PEX13: variants seen among roughly 807,000 people sequenced by gnomAD.
The protein encoded by PEX13 is peroxisome biogenesis factor 13.
Under a neutral mutation model 34.5 loss-of-function variants are expected in PEX13, and 28 were observed. The observed-to-expected ratio is 0.81, with a 90% CI of 0.60 to 1.11. The LOEUF (loss-of-function observed/expected upper bound fraction) is 1.11, where lower values mean the gene tolerates loss of function less well. Ranked by LOEUF, PEX13 falls within the 50% of genes most tolerant of loss-of-function variation. PEX13 has a pLI of 0.00. For synonymous variants in PEX13, 177 were observed against 175.1 expected (o/e 1.01, Z -0.09); for missense variants, 550 against 491.0 (o/e 1.12, Z -1.13).
chr2:61,023,091 A>G (rs1680290848), intron 1 of PEX13, among the ~76,000 whole-genome samples: 1 of 151,620 alleles, frequency 6.6e-6, no homozygotes, highest in Non-Finnish European at 1.5e-5. Flanking sequence ...TGCAGCTTCT[A>G]CATCCTGGGA....
rs1286354791 is a variant in PEX13, at chr2:61,031,749, C to T, written c.423C>T (p.Ala141=). The T allele has an allele frequency of 1.2e-6, 2 of 1,613,942 alleles. No homozygotes were observed. The highest frequency in any genetic ancestry group is 1.7e-6 in the Non-Finnish European group (2 of 1,179,938). Reference sequence around the variant, plus strand: ...TTGAAAGTATTGTGCATGCATTTGCCTCTGTCAGTATGATGATGGATGCTA... The same window carrying T: ...TTGAAAGTATTGTGCATGCATTTGCTTCTGTCAGTATGATGATGGATGCTA... ...QSIESIVHAF[A]SVSMMMDATF... Residue 141 remains alanine, a synonymous_variant, in exon 2 of 4, where the codon GCC becomes GCT. Transcript: ENST00000295030.
At chr2:61,037,658 A>C (rs572279253) in intron 2 of PEX13, among the ~76,000 whole-genome samples, 55 of 152,364 alleles carry the variant, frequency 3.6e-4, no homozygotes, top group African/African-American at 1.3e-3. Flanking sequence ...CACAAGAAGC[A>C]GGAAAGATCT....
intron 2 of PEX13, among the ~76,000 whole-genome samples, chr2:61,045,036 A>G (rs184125074): frequency 2.6e-5 from 4 of 152,342 alleles, no homozygotes; most frequent in Non-Finnish European, 5.9e-5. Flanking sequence ...TCTGCAATGT[A>G]ATAACATGGT....
intron 2 of PEX13, among the ~76,000 whole-genome samples, chr2:61,040,206 A>G (rs1476873108): frequency 6.6e-6 from 1 of 152,202 alleles, no homozygotes; most frequent in African/African-American, 2.4e-5. Flanking sequence ...AGAACTAGAA[A>G]TACCGTTTGA....
chr2:61,041,829 G>C (rs1342929192), intron 2 of PEX13, among the ~76,000 whole-genome samples: 1 of 152,198 alleles, frequency 6.6e-6, no homozygotes, highest in Non-Finnish European at 1.5e-5. Flanking sequence ...GGAAAGATAG[G>C]AGTTAAATGA....
At chr2:61,036,175 T>C (rs975367442) in intron 2 of PEX13, among the ~76,000 whole-genome samples, 3 of 151,982 alleles carry the variant, frequency 2.0e-5, no homozygotes, top group Non-Finnish European at 2.9e-5. Flanking sequence ...CGGAAAGTGA[T>C]AGGGAGAATG....
chr2:61,017,857 T>C lies in PEX13; in HGVS notation c.92+6T>C, dbSNP rs1291662088. The C allele has an allele frequency of 3.2e-6, 5 of 1,549,818 alleles. No individual in the cohort carries two copies. The highest frequency in any genetic ancestry group is 4.4e-6 in the Non-Finnish European group (5 of 1,146,444). ...GGACCGGGCCCCACTTTCCAGTGAG[T>C]GTGGGATTCTTCAGGCTGTGAGTTT... On this transcript the variant is annotated splice_donor_region_variant and intron_variant, in intron 1 of 3. Transcript: ENST00000295030.
At position 61,050,587 on chromosome 2, in the gene PEX13, G is replaced by C. The variant is rs1199062746; in HGVS notation, c.*1817G>C. The C allele has an allele frequency of 1.3e-5, 2 of 152,178 alleles. No individual in the cohort carries two copies. Among genetic ancestry groups the C allele is most frequent in the Admixed American group, 1.3e-4 (2 of 15,254 alleles). 9.4% of individuals were successfully genotyped at this position (152,178 alleles called of 1,614,324 possible). A position where few individuals can be genotyped will look rare whatever the true frequency, so the allele number is the denominator to read the frequency against. On this transcript the variant is annotated 3_prime_UTR_variant, in exon 4 of 4. Coordinates refer to ENST00000295030, the MANE Select transcript of PEX13 (RefSeq NM_002618.4). ...ATTTATAGATATTGTTGAAAACTTT[G>C]AACTGTTTGATAAAAATTGTGATTT...
chr2:61,033,295 C>G (rs773511571), intron 2 of PEX13, among the ~76,000 whole-genome samples: 5 of 151,688 alleles, frequency 3.3e-5, no homozygotes, highest in South Asian at 2.1e-4. Flanking sequence ...TAATGAAGAC[C>G]CAAAATAGAG....
Position 61,025,244 on chromosome 2 carries a change from A to G in PEX13, c.93-6175A>G, listed in dbSNP as rs552454408. Among the ~76,000 whole-genome samples, 24 of 151,648 alleles carry G rather than the reference A, an allele frequency of 1.6e-4. No homozygotes were observed. The East Asian group carries it at 3.5e-3, about 22-fold the overall frequency. Reference sequence around the variant, plus strand: ...CCACTGCACCCAGCTAATTTTTTATAGTTTTTAATAGAGACGGGGTTTCAC... The same window carrying G: ...CCACTGCACCCAGCTAATTTTTTATGGTTTTTAATAGAGACGGGGTTTCAC... On this transcript the variant is annotated intron_variant, in intron 1 of 3. Transcript: ENST00000295030.
At chr2:61,021,399 A>T (rs1364663671) in intron 1 of PEX13, among the ~76,000 whole-genome samples, 1 of 152,222 alleles carries the variant, frequency 6.6e-6, no homozygotes, top group Non-Finnish European at 1.5e-5. Context: ...TCCTATACCC[A>T]TGGAGCCTTG....
At chr2:61,027,280 A>G (rs1573550863) in intron 1 of PEX13, among the ~76,000 whole-genome samples, 1 of 150,408 alleles carries the variant, frequency 6.6e-6, no homozygotes, top group East Asian at 2.0e-4. Flanking sequence ...TTGAGGTTGC[A>G]GTGAGCCGTG....
chr2:61,017,913 C>T (rs1317561806), intron 1 of PEX13, 62 bp downstream of exon 1: 6 of 1,469,428 alleles, frequency 4.1e-6, no homozygotes, highest in Non-Finnish European at 5.6e-6. Flanking sequence ...TGGCAGGAGG[C>T]GGTTGTAGCG....
In PEX13 at chr2:61,039,978, CAT is replaced by C. The variant is rs1278216669; in HGVS notation, c.788-5745_788-5744del. On this transcript the variant is annotated intron_variant, in intron 2 of 3. Transcript: ENST00000295030. ...AGAAGACATTTATGCAGCCAACAAA[CAT>C]ATGAAAAAATGCTCATCATCACTGG... Among the ~76,000 whole-genome samples the C allele has an allele frequency of 2.6e-4, 39 of 152,246 alleles. 2 individuals are homozygous for C. Among genetic ancestry groups the C allele is most frequent in the Admixed American group, 1.5e-3 (23 of 15,296 alleles).
At chr2:61,038,270 C>G (rs1280170894) in intron 2 of PEX13, among the ~76,000 whole-genome samples, 1 of 152,200 alleles carries the variant, frequency 6.6e-6, no homozygotes, top group Non-Finnish European at 1.5e-5. Flanking sequence ...CCAGCATCAT[C>G]CTGATACCAG....
chr2:61,043,551 T>C (rs768823987), intron 2 of PEX13, among the ~76,000 whole-genome samples: 1 of 152,138 alleles, frequency 6.6e-6, no homozygotes. Flanking sequence ...TGGTGAAAAT[T>C]CTAGGTGGAG....
chr2:61,047,603 GA>G (rs1680724389), intron 3 of PEX13, among the ~76,000 whole-genome samples: 1 of 152,146 alleles, frequency 6.6e-6, no homozygotes, highest in African/African-American at 2.4e-5. Context: ...TAACACTTCA[GA>G]AAAATTTTAT....
rs1488033038 is a variant in PEX13 at position 61,034,508 on chromosome 2, CT to C, written c.787+2397del. ...CGAGCTGAAGCAGGGCAGGGCATCG[CT>C]TCACCCAGGAAGCACAAGGGGTCAG... On this transcript the variant is annotated intron_variant, in intron 2 of 3. Coordinates refer to ENST00000295030, the MANE Select transcript of PEX13 (RefSeq NM_002618.4). 2.0e-5 allele frequency among the ~76,000 whole-genome samples: 3 copies of C among 152,208 alleles called. No homozygotes were observed. In the East Asian group the frequency reaches 5.8e-4, roughly 29 times the overall value.
In PEX13 at chr2:61,018,026, C is replaced by T. The variant is rs1680129712; in HGVS notation, c.92+175C>T. 12 of 1,410,114 alleles carry T rather than the reference C, an allele frequency of 8.5e-6. No homozygotes were observed. In the Admixed American group the frequency reaches 2.2e-4, roughly 26 times the overall value. 87.4% of individuals were successfully genotyped at this position (1,410,114 alleles called of 1,614,324 possible). A position where few individuals can be genotyped will look rare whatever the true frequency, so the allele number is the denominator to read the frequency against. Reference sequence around the variant, plus strand: ...CGCTTACCAGTGGGGACTTTAGTGTCTCACAGCTGTTTCTGACCCGGCAGC... The same window carrying T: ...CGCTTACCAGTGGGGACTTTAGTGTTTCACAGCTGTTTCTGACCCGGCAGC... On this transcript the variant is annotated intron_variant, in intron 1 of 3. Coordinates refer to ENST00000295030, the MANE Select transcript of PEX13 (RefSeq NM_002618.4).
Sources: allele counts gnomAD v4.1 joint callset (sites outside exome capture counted in the v4.1 genomes callset), GRCh38; gene constraint gnomAD v4.1.1; transcripts MANE v1.5; gene names NCBI Gene and HGNC (gene_info 2026-07-23, HGNC 2026-07-21).